Variants in F13A1 observed in about 807,000 individuals in gnomAD.
F13A1 encodes coagulation factor XIII A chain.
A neutral mutation model predicts 80.1 loss-of-function variants in F13A1; 47 were observed. The observed-to-expected ratio is 0.59, with a 90% confidence interval of 0.46 to 0.75. F13A1 has a LOEUF of 0.75. Ranked by LOEUF, F13A1 falls within the 30% of genes least tolerant of loss-of-function variation. The pLI, the probability that F13A1 is intolerant of heterozygous loss-of-function variation, is 0.00. For missense variants in F13A1, 817 were observed against 930.4 expected, an observed-to-expected ratio of 0.88 and a Z score of 1.59; for synonymous variants, 349 against 344.9, an observed-to-expected ratio of 1.01 and a Z score of -0.13.
At chr6:6,176,347 T>C (rs7740009) in intron 11 of F13A1, among the ~76,000 whole-genome samples, 89,569 of 152,098 alleles carry the variant, frequency 0.59, 27,062 homozygotes, top group Non-Finnish European at 0.66. Context: ...TATGATGCAT[T>C]GTGTCATTTA....
intron 1 of F13A1, among the ~76,000 whole-genome samples, chr6:6,319,732 A>C (rs1006746589): frequency 7.9e-5 from 12 of 152,218 alleles, no homozygotes; most frequent in Non-Finnish European, 2.9e-5. Flanking sequence ...TTCCAGAGAC[A>C]TGTGGAGCAC....
At chr6:6,214,375 T>C (rs2113041516) in intron 8 of F13A1, among the ~76,000 whole-genome samples, 1 of 149,822 alleles carries the variant, frequency 6.7e-6, no homozygotes, top group Middle Eastern at 3.4e-3. Flanking sequence ...ATTAAGAATC[T>C]CACTCAAAAC....
At chr6:6,151,989 C>G (rs777621997) in intron 13 of F13A1, 40 bp from the exon 14 acceptor site, 1 of 1,611,166 alleles carries the variant, frequency 6.2e-7, no homozygotes, top group African/African-American at 1.3e-5. Flanking sequence ...CAAATAAAAC[C>G]TCGTTCTGCT....
rs914334668 is a variant in F13A1, at chr6:6,170,139, T to C, written c.1748-2521A>G. 5.3e-5 allele frequency among the ~76,000 whole-genome samples: 8 copies of C among 152,320 alleles called. No homozygotes were observed. The South Asian group carries it at 1.7e-3, about 32-fold the overall frequency. ...GTGTCTCTAGATAGAATGGATGAAG[T>C]GGCAAGGTGGAAGGCCTCGAAGAAG... On this transcript the variant is annotated intron_variant, in intron 12 of 14. Transcript: ENST00000264870.
intron 8 of F13A1, among the ~76,000 whole-genome samples, chr6:6,212,337 G>C (rs1402589860): frequency 4.8e-4 from 72 of 150,566 alleles, no homozygotes; most frequent in African/African-American, 1.3e-3. Flanking sequence ...GATCTGAGAA[G>C]GGGCAGACTG....
chr6:6,161,350 GAACATTTACC>G (rs1378179934), intron 13 of F13A1, among the ~76,000 whole-genome samples: 4 of 152,252 alleles, frequency 2.6e-5, no homozygotes, highest in African/African-American at 9.6e-5. Context: ...AGAGGAGAAA[GAACATTTACC>G]AACAGCTACT....
chr6:6,246,423 C>A (rs1358479694), intron 6 of F13A1, among the ~76,000 whole-genome samples: 1 of 152,158 alleles, frequency 6.6e-6, no homozygotes, highest in Admixed American at 6.5e-5. Flanking sequence ...TGTATATAAA[C>A]AAGGGTATGA....
chr6:6,250,956 T>A lies in F13A1; in HGVS notation c.572-27A>T, dbSNP rs771281612. The A allele has an allele frequency of 6.8e-7, 1 of 1,466,868 alleles. No homozygotes were observed. The highest frequency in any genetic ancestry group is 1.4e-5 in the African/African-American group (1 of 72,128). The allele number at this position is 1,466,868 out of a possible 1,614,324, so 90.9% of individuals were successfully genotyped here. A position where few individuals can be genotyped will look rare whatever the true frequency, so the allele number is the denominator to read the frequency against. On this transcript the variant is annotated intron_variant, in intron 4 of 14. Coordinates refer to ENST00000264870, the MANE Select transcript of F13A1 (RefSeq NM_000129.4). This position sits in a 1 kb window ranked among gnomAD's most constrained non-coding sequence, Gnocchi z 4.2. ...TGCATCAGGGTTTAAACATAGTGAC[T>A]ATTACCAAACCAGACTGTTTCCAAA...
intron 13 of F13A1, among the ~76,000 whole-genome samples, chr6:6,158,755 A>G (rs1760521351): frequency 1.5e-5 from 2 of 131,552 alleles, no homozygotes; most frequent in Non-Finnish European, 3.2e-5. Flanking sequence ...TAGAACACAT[A>G]GTCTGTTCCC....
chr6:6,244,746 C>G (rs763852495), intron 6 of F13A1, among the ~76,000 whole-genome samples: 2 of 152,104 alleles, frequency 1.3e-5, no homozygotes, highest in African/African-American at 2.4e-5. Context: ...GACAAAGATG[C>G]GAGGCCAGCA....
intron 5 of F13A1, among the ~76,000 whole-genome samples, chr6:6,249,754 A>G (rs1019099613): frequency 6.6e-6 from 1 of 152,200 alleles, no homozygotes; most frequent in African/African-American, 2.4e-5. Context: ...AGTAGGCAGT[A>G]TAGTCAAAGG....
chr6:6,303,017 G>A (rs1464661604), intron 3 of F13A1, among the ~76,000 whole-genome samples: 1 of 152,158 alleles, frequency 6.6e-6, no homozygotes. Context: ...TCCAGTTGGA[G>A]AGTCAGTTAT....
intron 8 of F13A1, among the ~76,000 whole-genome samples, chr6:6,214,528 C>T (rs1761684343): frequency 1.0e-5 from 1 of 99,386 alleles, no homozygotes; most frequent in African/African-American, 4.2e-5. Context: ...GCATTCAAAG[C>T]AGTGTGTAGA....
chr6:6,302,102 T>C (rs541638420), intron 3 of F13A1, among the ~76,000 whole-genome samples: 1 of 152,332 alleles, frequency 6.6e-6, no homozygotes, highest in Admixed American at 6.5e-5. Flanking sequence ...ACTTCCATTA[T>C]CATAATTATT....
intron 13 of F13A1, among the ~76,000 whole-genome samples, chr6:6,158,816 C>T (rs4960171): frequency 0.47 from 71,988 of 151,964 alleles, 17,322 homozygotes; most frequent in African/African-American, 0.58. Context: ...AATGAAACTA[C>T]AGTTAAGTCT....
chr6:6,194,355 C>A (rs1761253456), intron 10 of F13A1, among the ~76,000 whole-genome samples: 1 of 152,174 alleles, frequency 6.6e-6, no homozygotes, highest in African/African-American at 2.4e-5. Flanking sequence ...GCACAGCTTT[C>A]AACTGCCCCC....
intron 8 of F13A1, among the ~76,000 whole-genome samples, chr6:6,213,369 A>G (rs2113039082): frequency 6.6e-6 from 1 of 152,344 alleles, no homozygotes; most frequent in East Asian, 1.9e-4. Context: ...AGTGGGGGCC[A>G]ATATTCAACA....
intron 8 of F13A1, among the ~76,000 whole-genome samples, chr6:6,203,372 CT>C (rs1204292701): frequency 1.3e-5 from 2 of 152,184 alleles, no homozygotes; most frequent in Non-Finnish European, 2.9e-5. Flanking sequence ...GTTTACTAAT[CT>C]GTTGACTTTG....
At chr6:6,234,121 A>G (rs1757386180) in intron 6 of F13A1, among the ~76,000 whole-genome samples, 1 of 152,138 alleles carries the variant, frequency 6.6e-6, no homozygotes, top group Admixed American at 6.5e-5. Flanking sequence ...AAGAGAAAGA[A>G]ATAAAGGACA....
Sources: gnomAD v4.1 joint callset for allele counts (sites outside exome capture counted in the v4.1 genomes callset) on GRCh38, gnomAD v4.1.1 for gene constraint, Gnocchi (gnomAD v3.1) non-coding constraint, MANE v1.5 for transcripts, NCBI Gene and HGNC (gene_info 2026-07-23, HGNC 2026-07-21) for gene names.